Variants in TNIK observed in about 807,000 individuals in gnomAD.
TNIK encodes the protein TRAF2 and NCK-interacting protein kinase.
A neutral mutation model predicts 191.3 loss-of-function variants in TNIK; 49 were observed. The observed-to-expected ratio is 0.26, with a 90% CI of 0.20 to 0.32. TNIK has a LOEUF of 0.32. TNIK is among the 10% of genes least tolerant of loss of function. TNIK has a pLI of 1.00. For missense variants in TNIK, 1,155 were observed against 1,702.3 expected (o/e 0.68, Z 5.66); for synonymous variants, 594 against 600.9 (o/e 0.99, Z 0.17).
intron 2 of TNIK, among the ~76,000 whole-genome samples, chr3:171,276,732 AAAGTAGG>A (rs1418625802): frequency 6.6e-6 from 1 of 152,216 alleles, no homozygotes; most frequent in Non-Finnish European, 1.5e-5. Flanking sequence ...CTAATTTTAC[AAAGTAGG>A]GAATCTAAAA....
rs545270696 is a variant in TNIK at position 171,155,372 on chromosome 3, C to T, written c.1221+2088G>A. The stretch of plus-strand genomic sequence containing the variant: ...CTCTGAGTACTTAGTATTCCTTGTT[C>T]TTCTCCACTGCGCTATAGAATAAGA... On this transcript the variant is annotated intron_variant, in intron 12 of 32. Coordinates refer to ENST00000436636, the MANE Select transcript of TNIK (RefSeq NM_015028.4). Among the ~76,000 whole-genome samples, 97 of 152,312 alleles carry T rather than the reference C, an allele frequency of 6.4e-4. 1 individual carries two copies. Among genetic ancestry groups the T allele is most frequent in the Non-Finnish European group, 1.0e-3 (71 of 68,026 alleles).
chr3:171,111,075 T>TAGGA (rs1725780874), intron 18 of TNIK, among the ~76,000 whole-genome samples, 198 bp from the exon 19 acceptor site: 1 of 151,884 alleles, frequency 6.6e-6, no homozygotes, highest in Non-Finnish European at 1.5e-5. Flanking sequence ...AGATAGCCAA[T>TAGGA]AGGAATATGA....
chr3:171,222,321 C>T (rs1227363041), intron 3 of TNIK, among the ~76,000 whole-genome samples: 1 of 152,102 alleles, frequency 6.6e-6, no homozygotes, highest in East Asian at 1.9e-4. Flanking sequence ...GGGCTCTCTG[C>T]TGTCAATTCC....
At chr3:171,144,517 A>G (rs1407186961) in intron 12 of TNIK, among the ~76,000 whole-genome samples, 1 of 152,240 alleles carries the variant, frequency 6.6e-6, no homozygotes, top group Admixed American at 6.5e-5. Context: ...ATAATTGGAC[A>G]TATTTATGGG....
Position 171,365,161 on chromosome 3 carries a change from C to CTTTTTTTTTTTTTTTTTTTTTTTT in TNIK, c.123+4435_123+4458dup, listed in dbSNP as rs60887361. Among the ~76,000 whole-genome samples, 22 of 31,934 alleles carry CTTTTTTTTTTTTTTTTTTTTTTTT rather than the reference C, an allele frequency of 6.9e-4. 7 individuals are homozygous for CTTTTTTTTTTTTTTTTTTTTTTTT. The highest frequency in any genetic ancestry group is 4.1e-3 in the Admixed American group (7 of 1,688). The allele number at this position is 31,934 out of a possible 152,430, so 20.9% of individuals were successfully genotyped here. A position where few individuals can be genotyped will look rare whatever the true frequency, so the allele number is the denominator to read the frequency against. On this transcript the variant is annotated intron_variant, in intron 2 of 32. Transcript: ENST00000436636. The stretch of plus-strand genomic sequence containing the variant: ...AAGGACTACACAAAAGGACTACATT[C>CTTTTTTTTTTTTTTTTTTTTTTTT]TTTTTTTTTTTTTTTTTTTTTTTTT...
chr3:171,427,931 G>C lies in TNIK; in HGVS notation c.57+32076C>G, dbSNP rs148641007. 2.0e-5 allele frequency among the ~76,000 whole-genome samples: 3 copies of C among 152,292 alleles called. No homozygotes were observed. In the East Asian group the frequency reaches 5.8e-4, roughly 29 times the overall value. On this transcript the variant is annotated intron_variant, in intron 1 of 32. Coordinates refer to ENST00000436636, the MANE Select transcript of TNIK (RefSeq NM_015028.4). ...TATTTGGAGAAGAGCACTCCTACGTGAGAGGACGCTGCAGTCTCCTGGAGG... is the reference window on the plus strand; with the variant it reads ...TATTTGGAGAAGAGCACTCCTACGTCAGAGGACGCTGCAGTCTCCTGGAGG...
chr3:171,147,026 A>C (rs776029706), intron 12 of TNIK, among the ~76,000 whole-genome samples: 7 of 152,218 alleles, frequency 4.6e-5, no homozygotes, highest in Non-Finnish European at 8.8e-5. Flanking sequence ...GAGTCTGAGC[A>C]AGGTTATGCT....
intron 12 of TNIK, among the ~76,000 whole-genome samples, chr3:171,149,348 A>G (rs980301545): frequency 1.3e-5 from 2 of 152,200 alleles, no homozygotes; most frequent in Admixed American, 6.5e-5. Context: ...TTTCAGTATG[A>G]AATGCTGTTA....
chr3:171,129,414 G>A (rs1185019715), intron 15 of TNIK, among the ~76,000 whole-genome samples: 1 of 152,136 alleles, frequency 6.6e-6, no homozygotes, highest in Non-Finnish European at 1.5e-5. Context: ...TGCTTAATGC[G>A]CGTGGCGTGT....
At chr3:171,087,706 C>T (rs1161236477) in intron 23 of TNIK, among the ~76,000 whole-genome samples, 200 bp from the exon 24 acceptor site, 2 of 152,184 alleles carry the variant, frequency 1.3e-5, no homozygotes, top group Non-Finnish European at 2.9e-5. Context: ...TGGATTGAGC[C>T]TGAAGCCTTA....
At chr3:171,087,087 A>G (rs1721455511) in intron 24 of TNIK, among the ~76,000 whole-genome samples, 1 of 152,174 alleles carries the variant, frequency 6.6e-6, no homozygotes, top group African/African-American at 2.4e-5. Context: ...TGTCTTGGAC[A>G]AGTCATTCAA....
rs200972077 is a variant in TNIK, at chr3:171,085,092, T to A, written c.2998+26A>T. 2.7e-3 allele frequency: 4,210 copies of A among 1,569,890 alleles called. 10 individuals are homozygous for A. Among genetic ancestry groups the A allele is most frequent in the Non-Finnish European group, 3.4e-3 (3,903 of 1,155,620 alleles). ...CCAGAAAGGAAGACGAAGCTGTTTT[T>A]TAAACACAGGGCCCTTCTTGCTTAC... On this transcript the variant is annotated intron_variant, in intron 25 of 32. Coordinates refer to ENST00000436636, the MANE Select transcript of TNIK (RefSeq NM_015028.4).
chr3:171,344,138 A>G (rs1711763248), intron 2 of TNIK, among the ~76,000 whole-genome samples: 1 of 152,152 alleles, frequency 6.6e-6, no homozygotes, highest in African/African-American at 2.4e-5. Context: ...CCCATCCCAT[A>G]TCTTGCCCCT....
At chr3:171,380,544 C>T (rs531031326) in intron 1 of TNIK, among the ~76,000 whole-genome samples, 1 of 152,328 alleles carries the variant, frequency 6.6e-6, no homozygotes, top group East Asian at 1.9e-4. Flanking sequence ...ACTGTTCTTC[C>T]TACACCTATA....
At chr3:171,121,183 G>T (rs1333013549) in intron 18 of TNIK, among the ~76,000 whole-genome samples, 1 of 152,214 alleles carries the variant, frequency 6.6e-6, no homozygotes. Flanking sequence ...TGGAAGCACT[G>T]TAAAGGACAG....
chr3:171,405,527 AC>A (rs1298671969), intron 1 of TNIK, among the ~76,000 whole-genome samples: 3 of 138,136 alleles, frequency 2.2e-5, no homozygotes, highest in Non-Finnish European at 4.8e-5. Context: ...AAAAATCACA[AC>A]AAAAATCATA....
intron 3 of TNIK, among the ~76,000 whole-genome samples, chr3:171,226,756 A>G (rs1306349040): frequency 6.6e-6 from 1 of 152,180 alleles, no homozygotes; most frequent in African/African-American, 2.4e-5. Flanking sequence ...TCAAAAATAT[A>G]TACAACTTAA....
chr3:171,128,884 ACCC>A lies in TNIK; in HGVS notation c.1609-9_1609-7del. 2 of 1,425,566 alleles carry A rather than the reference ACCC, an allele frequency of 1.4e-6. No individual in the cohort carries two copies. The highest frequency in any genetic ancestry group is 1.7e-5 in the African/African-American group (1 of 58,484). The allele number at this position is 1,425,566 out of a possible 1,614,324, so 88.3% of individuals were successfully genotyped here. A position where few individuals can be genotyped will look rare whatever the true frequency, so the allele number is the denominator to read the frequency against. ...AGCCTTGACCGTTCTTCTACCTACA[ACCC>A]AAAAAAAAAAAAAAAAAAAAGACAG... On this transcript the variant is annotated splice_polypyrimidine_tract_variant and splice_region_variant and intron_variant, in intron 15 of 32. Coordinates refer to ENST00000436636, the MANE Select transcript of TNIK (RefSeq NM_015028.4).
chr3:171,210,985 G>GGA, intron 4 of TNIK, 131 bp downstream of exon 4: 1 of 1,158,416 alleles, frequency 8.6e-7, no homozygotes. Context: ...AAAACAATAT[G>GGA]TTACGGACAT....
Sources: gnomAD v4.1 joint callset for allele counts (sites outside exome capture counted in the v4.1 genomes callset) on GRCh38, gnomAD v4.1.1 for gene constraint, MANE v1.5 for transcripts, NCBI Gene and HGNC (gene_info 2026-07-23, HGNC 2026-07-21) for gene names.